PPM1A: variants seen among roughly 807,000 people sequenced by gnomAD.
PPM1A encodes the protein protein phosphatase 1A.
A neutral mutation model predicts 35.0 loss-of-function variants in PPM1A; 7 were observed. That is an observed-to-expected ratio of 0.20 (90% CI 0.11 to 0.38). The LOEUF is 0.38. Ranked by LOEUF, PPM1A falls within the 10% of genes least tolerant of loss-of-function variation. PPM1A has a pLI of 1.00. For missense variants in PPM1A, 239 were observed against 467.8 expected, an observed-to-expected ratio of 0.51 and a Z score of 4.51; for synonymous variants, 153 against 167.3, an observed-to-expected ratio of 0.91 and a Z score of 0.66.
At position 60,289,950 on chromosome 14, in the gene PPM1A, C is replaced by A; in HGVS notation, c.1061+36C>A. 7.4e-7 allele frequency: 1 copy of A among 1,347,304 alleles called. No individual in the cohort carries two copies. Among genetic ancestry groups the A allele is most frequent in the South Asian group, 1.3e-5 (1 of 74,680 alleles). 83.5% of individuals were successfully genotyped at this position (1,347,304 alleles called of 1,614,324 possible). ...TTCTGTACACTCTTATGCTTTATGT[C>A]AGTGTATGAAAATGTTAGGTATTCA... On this transcript the variant is annotated intron_variant, in intron 4 of 5. Transcript: ENST00000395076. This position sits in a 1 kb window ranked among gnomAD's most constrained non-coding sequence, Gnocchi z 4.1.
upstream of PPM1A, among the ~76,000 whole-genome samples, chr14:60,249,049 G>A (rs898724072): frequency 6.6e-6 from 1 of 152,048 alleles, no homozygotes; most frequent in Non-Finnish European, 1.5e-5. This position sits in a 1 kb window ranked among gnomAD's most constrained non-coding sequence, Gnocchi z 4.5. Flanking sequence ...ATCTGTGGCG[G>A]CCCCTCCCCC....
chr14:60,280,995 A>C lies in PPM1A; in HGVS notation c.-20-1689A>C, dbSNP rs532573322. 2.0e-5 allele frequency among the ~76,000 whole-genome samples: 3 copies of C among 152,172 alleles called. No homozygotes were observed. In the South Asian group the frequency reaches 6.2e-4, roughly 32 times the overall value. ...TTGAGTGATCTTGGCCAAGTTCTTT[A>C]ATCTTGGCTAAGGTTCTTCATCTAT... is the stretch of plus-strand genomic sequence containing the variant. On this transcript the variant is annotated intron_variant, in intron 1 of 5. Coordinates refer to ENST00000395076, the MANE Select transcript of PPM1A (RefSeq NM_021003.5).
intron 3 of PPM1A, chr14:60,286,373 G>C: frequency 2.0e-6 from 2 of 985,674 alleles, no homozygotes; most frequent in Non-Finnish European, 2.4e-6. Context: ...GAGCATTTCT[G>C]GAGTATATTT....
rs566342022 is a variant in PPM1A at position 60,284,888 on chromosome 14, C to T, written c.835-736C>T. 3.3e-5 allele frequency among the ~76,000 whole-genome samples: 5 copies of T among 151,812 alleles called. No individual in the cohort carries two copies. In the East Asian group the frequency reaches 7.7e-4, roughly 23 times the overall value. On this transcript the variant is annotated intron_variant, in intron 2 of 5. Transcript: ENST00000395076. The stretch of plus-strand genomic sequence containing the variant: ...AGTGTTCTTTCTGCCACACTCTGTT[C>T]TGTTTTGTCAATAATGCTTATTAAC...
intron 1 of PPM1A, among the ~76,000 whole-genome samples, chr14:60,255,762 A>G (rs1190289235): frequency 1.3e-5 from 2 of 152,242 alleles, no homozygotes; most frequent in African/African-American, 2.4e-5. Context: ...TGTGAAGATT[A>G]TACAAATCTG....
chr14:60,292,407 C>T lies in PPM1A; in HGVS notation c.1120-46C>T, dbSNP rs746125802. ...CCAGAAAGTATGGTGTATTTTGGCACCGCTAAATTTTAACGTTGTTCCTTA... is the reference window on the plus strand; with the variant it reads ...CCAGAAAGTATGGTGTATTTTGGCATCGCTAAATTTTAACGTTGTTCCTTA... On this transcript the variant is annotated intron_variant, in intron 5 of 5. Transcript: ENST00000395076. The surrounding 1 kb of genome is among the most constrained non-coding windows in gnomAD (Gnocchi z 4.2). 6 of 1,463,392 alleles carry T rather than the reference C, an allele frequency of 4.1e-6. No homozygotes were observed. The East Asian group carries it at 1.4e-4, about 33-fold the overall frequency. The allele number at this position is 1,463,392 out of a possible 1,614,324, so 90.7% of individuals were successfully genotyped here.
rs544380909 is a variant in PPM1A at position 60,261,651 on chromosome 14, G to A, written c.-21+11974G>A. ...ATGGCACCATCCCCGTCAGGTCCAA[G>A]TAGGAGGGGAAGAATCCTATTTTGG... On this transcript the variant is annotated intron_variant, in intron 1 of 5. Transcript: ENST00000395076. Among the ~76,000 whole-genome samples, 14 of 152,286 alleles carry A rather than the reference G, an allele frequency of 9.2e-5. No homozygotes were observed. The South Asian group carries it at 2.7e-3, about 29-fold the overall frequency.
At chr14:60,265,583 C>T (rs1884280845) in intron 1 of PPM1A, among the ~76,000 whole-genome samples, 1 of 152,214 alleles carries the variant, frequency 6.6e-6, no homozygotes, top group Non-Finnish European at 1.5e-5. Flanking sequence ...AGTGAATATA[C>T]AAATCCATTT....
intron 1 of PPM1A, among the ~76,000 whole-genome samples, chr14:60,265,246 G>A (rs1329915515): frequency 2.6e-5 from 4 of 152,196 alleles, no homozygotes; most frequent in Non-Finnish European, 4.4e-5. Flanking sequence ...CATCTAAACC[G>A]TAGCCCCATG....
chr14:60,260,849 CCTT>C (rs1159476500), intron 1 of PPM1A, among the ~76,000 whole-genome samples: 1 of 152,082 alleles, frequency 6.6e-6, no homozygotes, highest in Non-Finnish European at 1.5e-5. Flanking sequence ...AATAAGTTAG[CCTT>C]CTTTTACAAC....
rs369147141 is a variant in PPM1A at position 60,282,688 on chromosome 14, A to G, written c.-16A>G. The G allele has an allele frequency of 2.3e-4, 376 of 1,613,060 alleles. No individual in the cohort carries two copies. The highest frequency in any genetic ancestry group is 3.1e-4 in the Non-Finnish European group (360 of 1,179,282). On this transcript the variant is annotated 5_prime_UTR_variant, in exon 2 of 6. Transcript: ENST00000395076. The surrounding 1 kb of genome is among the most constrained non-coding windows in gnomAD (Gnocchi z 5.1). ...CCTGTTTCTCTTCCTTTGCAGACCT[A>G]GAGGATCAAGACATAATGGGAGCAT...
rs1312485899 is a variant in PPM1A at position 60,249,483 on chromosome 14, G to A, written c.-215G>A. 3 of 985,434 alleles carry A rather than the reference G, an allele frequency of 3.0e-6. No individual in the cohort carries two copies. The East Asian group carries it at 3.4e-4, about 112-fold the overall frequency. The allele number at this position is 985,434 out of a possible 1,614,324, so 61.0% of individuals were successfully genotyped here. A position where few individuals can be genotyped will look rare whatever the true frequency, so the allele number is the denominator to read the frequency against. On this transcript the variant is annotated 5_prime_UTR_variant, in exon 1 of 6. Transcript: ENST00000395076. The surrounding 1 kb of genome is among the most constrained non-coding windows in gnomAD (Gnocchi z 4.5). The stretch of plus-strand genomic sequence containing the variant: ...ACGCCCGGATGATCTGAGCCGCGAG[G>A]GCGCCGACAGCCGGGGGCCCGGACG...
rs1434139310 is a variant in PPM1A, at chr14:60,296,259, T to G, written c.*3777T>G. ...CACTGCCCATCTTTACTGGACAAAC[T>G]CATTTGGAGTTCAACTTGTGATTTC... On this transcript the variant is annotated 3_prime_UTR_variant, in exon 6 of 6. Coordinates refer to ENST00000395076, the MANE Select transcript of PPM1A (RefSeq NM_021003.5). The surrounding 1 kb of genome is among the most constrained non-coding windows in gnomAD (Gnocchi z 4.4). 23 of 152,094 alleles carry G rather than the reference T, an allele frequency of 1.5e-4. No homozygotes were observed. The highest frequency in any genetic ancestry group is 1.5e-3 in the Admixed American group (23 of 15,224). The allele number at this position is 152,094 out of a possible 1,614,324, so 9.4% of individuals were successfully genotyped here.
At chr14:60,291,842 G>A (rs1341595033) in intron 5 of PPM1A, among the ~76,000 whole-genome samples, 2 of 150,144 alleles carry the variant, frequency 1.3e-5, no homozygotes, top group African/African-American at 2.5e-5. Context: ...GCAGAACTTC[G>A]GAATGTCTGT....
chr14:60,248,987 G>GGCGGCGGCAGCA (rs1209994061), upstream of PPM1A, among the ~76,000 whole-genome samples: 126 of 152,202 alleles, frequency 8.3e-4, no homozygotes, highest in Non-Finnish European at 1.5e-3. Context: ...GTAAGGCAAA[G>GGCGGCGGCAGCA]GCGGCGGCAG....
In PPM1A at chr14:60,292,441, C is replaced by T; in HGVS notation, c.1120-12C>T. On this transcript the variant is annotated splice_polypyrimidine_tract_variant and intron_variant, in intron 5 of 5. Coordinates refer to ENST00000395076, the MANE Select transcript of PPM1A (RefSeq NM_021003.5). This position sits in a 1 kb window ranked among gnomAD's most constrained non-coding sequence, Gnocchi z 4.2. ...TTTAACGTTGTTCCTTATTTTGCTT[C>T]CTTTTACAAAGGACTCTACATCAAC... 1 of 1,593,902 alleles carries T rather than the reference C, an allele frequency of 6.3e-7. No homozygotes were observed. The highest frequency in any genetic ancestry group is 8.6e-7 in the Non-Finnish European group (1 of 1,162,956).
intron 1 of PPM1A, among the ~76,000 whole-genome samples, chr14:60,269,852 G>A (rs922052330): frequency 6.6e-6 from 1 of 152,066 alleles, no homozygotes; most frequent in African/African-American, 2.4e-5. Flanking sequence ...CCCAGCCGAT[G>A]GCATGTTTAT....
Position 60,289,942 on chromosome 14 carries a change from C to A in PPM1A, c.1061+28C>A, listed in dbSNP as rs1359507901. On this transcript the variant is annotated intron_variant, in intron 4 of 5. Coordinates refer to ENST00000395076, the MANE Select transcript of PPM1A (RefSeq NM_021003.5). This position sits in a 1 kb window ranked among gnomAD's most constrained non-coding sequence, Gnocchi z 4.1. ...AAGTTACATTCTGTACACTCTTATG[C>A]TTTATGTCAGTGTATGAAAATGTTA... The A allele has an allele frequency of 4.3e-6, 6 of 1,396,770 alleles. No individual in the cohort carries two copies. In the African/African-American group the frequency reaches 6.0e-5, roughly 14 times the overall value. The allele number at this position is 1,396,770 out of a possible 1,614,324, so 86.5% of individuals were successfully genotyped here.
intron 4 of PPM1A, among the ~76,000 whole-genome samples, chr14:60,291,186 T>TA (rs1887594160): frequency 6.6e-6 from 1 of 152,086 alleles, no homozygotes; most frequent in Non-Finnish European, 1.5e-5. Flanking sequence ...GGTAGAGTGT[T>TA]ATAACACATT....
Sources: gnomAD v4.1 joint callset for allele counts (sites outside exome capture counted in the v4.1 genomes callset) on GRCh38, gnomAD v4.1.1 for gene constraint, Gnocchi (gnomAD v3.1) non-coding constraint, MANE v1.5 for transcripts, NCBI Gene and HGNC (gene_info 2026-07-23, HGNC 2026-07-21) for gene names.